R3HDM1: variants seen among roughly 807,000 people sequenced by gnomAD.
The protein encoded by R3HDM1 is R3H domain-containing protein 1.
Under a neutral mutation model 141.1 loss-of-function variants are expected in R3HDM1, and 46 were observed. The observed-to-expected ratio is 0.33, with a 90% CI of 0.26 to 0.42. The LOEUF (loss-of-function observed/expected upper bound fraction) is 0.42, where lower values mean the gene tolerates loss of function less well. Among genes scored for constraint, R3HDM1 ranks in the 10% least tolerant of loss-of-function variants. R3HDM1 has a pLI of 1.00. For missense variants in R3HDM1, 1,184 were observed against 1,368.3 expected (o/e 0.87, Z 2.12); for synonymous variants, 435 against 472.9 (o/e 0.92, Z 1.04).
chr2:135,721,505 T>C (rs1648462817), intron 24 of R3HDM1: 1 of 170,394 alleles, frequency 5.9e-6, no homozygotes, highest in Non-Finnish European at 1.3e-5. Context: ...TTATCTATAC[T>C]TTTTTTATGC....
intron 11 of R3HDM1, 49 bp downstream of exon 11, chr2:135,636,232 C>T (rs765842669): frequency 5.1e-6 from 8 of 1,569,742 alleles, no homozygotes; most frequent in Non-Finnish European, 6.0e-6. Flanking sequence ...ATTCTAATTA[C>T]GTTGTAGGGT....
At chr2:135,604,497 A>G (rs143879788) in intron 2 of R3HDM1, among the ~76,000 whole-genome samples, 1 of 152,242 alleles carries the variant, frequency 6.6e-6, no homozygotes, top group African/African-American at 2.4e-5. Flanking sequence ...GGGTCTTGCT[A>G]TGTTGCCCTG....
chr2:135,612,455 A>G (rs1041500273), intron 3 of R3HDM1, among the ~76,000 whole-genome samples: 5 of 152,176 alleles, frequency 3.3e-5, no homozygotes, highest in Admixed American at 3.3e-4. Context: ...TTGTGCTAAT[A>G]CATATATAAC....
chr2:135,579,595 CG>C (rs371620854), intron 1 of R3HDM1, among the ~76,000 whole-genome samples: 16,232 of 86,856 alleles, frequency 0.19, 1,383 homozygotes, highest in Middle Eastern at 0.5. Context: ...TATGGGGTGG[CG>C]GGGGGGGGTG....
At chr2:135,538,128 A>G (rs1696631703) in intron 1 of R3HDM1, among the ~76,000 whole-genome samples, 1 of 152,228 alleles carries the variant, frequency 6.6e-6, no homozygotes, top group African/African-American at 2.4e-5. Flanking sequence ...AAGTTATATG[A>G]TATGTATGGC....
chr2:135,617,922 C>A (rs974801285), intron 5 of R3HDM1, among the ~76,000 whole-genome samples: 19 of 152,140 alleles, frequency 1.2e-4, no homozygotes, highest in Non-Finnish European at 2.9e-5. Context: ...TTTGGTGATT[C>A]AAACTAAAAT....
intron 9 of R3HDM1, among the ~76,000 whole-genome samples, chr2:135,632,536 A>G (rs149947184): frequency 6.6e-6 from 1 of 152,024 alleles, no homozygotes; most frequent in Admixed American, 6.6e-5. Flanking sequence ...TCTCCGGAGG[A>G]GCTTTTTGTT....
intron 19 of R3HDM1, among the ~76,000 whole-genome samples, chr2:135,672,980 G>A (rs1025032201): frequency 7.2e-5 from 11 of 152,274 alleles, no homozygotes; most frequent in Admixed American, 3.3e-4. Context: ...GGCAGTGCGC[G>A]CCTGTAGCCC....
At chr2:135,709,362 G>A (rs576366119) in intron 21 of R3HDM1, 71 bp from the exon 22 acceptor site, 106 of 1,585,314 alleles carry the variant, frequency 6.7e-5, no homozygotes, top group South Asian at 2.0e-4. Flanking sequence ...CGTGAGCACC[G>A]CGCCCAGCCC....
At position 135,680,327 on chromosome 2, in the gene R3HDM1, G is replaced by A; in HGVS notation, c.2459+3G>A. The A allele has an allele frequency of 1.2e-6, 2 of 1,612,996 alleles. No individual in the cohort carries two copies. Among genetic ancestry groups the A allele is most frequent in the Non-Finnish European group, 8.5e-7 (1 of 1,179,290 alleles). On this transcript the variant is annotated splice_donor_region_variant and intron_variant, in intron 21 of 26. Coordinates refer to ENST00000683871, the MANE Select transcript of R3HDM1 (RefSeq NM_001378107.1). Reference sequence around the variant, plus strand: ...CCTGGTCAACAAAACAATTTAAGGTGAGTATGACTGAGTAACCTAATCTTC... The same window carrying A: ...CCTGGTCAACAAAACAATTTAAGGTAAGTATGACTGAGTAACCTAATCTTC...
intron 1 of R3HDM1, among the ~76,000 whole-genome samples, chr2:135,588,799 CAT>C (rs1217755602): frequency 6.6e-6 from 1 of 152,122 alleles, no homozygotes; most frequent in East Asian, 1.9e-4. Context: ...TACCCCACTT[CAT>C]AGTTATATTT....
intron 1 of R3HDM1, among the ~76,000 whole-genome samples, chr2:135,588,095 G>A (rs1172500003): frequency 3.3e-5 from 5 of 150,356 alleles, no homozygotes; most frequent in Non-Finnish European, 5.9e-5. Context: ...TTCTCTTTCT[G>A]TCTTTCCTTT....
chr2:135,677,665 G>T (rs1225375798), intron 20 of R3HDM1, among the ~76,000 whole-genome samples: 1 of 151,882 alleles, frequency 6.6e-6, no homozygotes, highest in Non-Finnish European at 1.5e-5. Context: ...TTTTCTCATT[G>T]TATTTAATGT....
At chr2:135,653,279 C>G (rs1478195224) in intron 18 of R3HDM1, among the ~76,000 whole-genome samples, 1 of 152,072 alleles carries the variant, frequency 6.6e-6, no homozygotes, top group East Asian at 1.9e-4. Context: ...TCACTTGAAC[C>G]TGGCACATGC....
chr2:135,638,033 T>C (rs2063435418), intron 11 of R3HDM1, among the ~76,000 whole-genome samples: 2 of 152,224 alleles, frequency 1.3e-5, no homozygotes. Context: ...CTGACACTGG[T>C]GCTAAAACAT....
intron 21 of R3HDM1, among the ~76,000 whole-genome samples, chr2:135,707,592 A>G (rs2075107909): frequency 6.6e-6 from 1 of 152,132 alleles, no homozygotes; most frequent in East Asian, 1.9e-4. Flanking sequence ...TTCCCTTTGC[A>G]GGATGGCTTG....
chr2:135,613,149 T>C (rs1039140055), intron 3 of R3HDM1, among the ~76,000 whole-genome samples: 5 of 152,244 alleles, frequency 3.3e-5, no homozygotes, highest in African/African-American at 1.2e-4. Context: ...CTTAGGGTTC[T>C]ATGAGGCCAA....
chr2:135,573,644 A>T (rs1392696435), intron 1 of R3HDM1, among the ~76,000 whole-genome samples: 2 of 151,666 alleles, frequency 1.3e-5, no homozygotes, highest in Admixed American at 6.6e-5. Context: ...CTTATAGGGG[A>T]GAAAAAGAAG....
chr2:135,654,649 A>G (rs909794998), intron 18 of R3HDM1, among the ~76,000 whole-genome samples: 8 of 152,072 alleles, frequency 5.3e-5, no homozygotes, highest in Non-Finnish European at 1.2e-4. Flanking sequence ...GGGTTTCACC[A>G]TGTTGGCCAG....
Sources: gnomAD v4.1 joint callset for allele counts (sites outside exome capture counted in the v4.1 genomes callset) on GRCh38, gnomAD v4.1.1 for gene constraint, MANE v1.5 for transcripts, NCBI Gene and HGNC (gene_info 2026-07-23, HGNC 2026-07-21) for gene names.